JPH3: variants seen among roughly 807,000 people sequenced by gnomAD.
The protein encoded by JPH3 is junctophilin 3.
JPH3 carries 11 observed loss-of-function variants against 59.6 expected under a neutral mutation model. That is an observed-to-expected ratio of 0.18 (90% CI 0.12 to 0.31). The LOEUF is 0.31. JPH3 is among the 10% of genes least tolerant of loss of function. The pLI is 1.00. For synonymous variants in JPH3, 673 were observed against 483.6 expected (o/e 1.39, Z -5.14); for missense variants, 1,202 against 1,105.7 (o/e 1.09, Z -1.24).
intron 2 of JPH3, among the ~76,000 whole-genome samples, chr16:87,659,404 CTA>C (rs2032629173): frequency 1.0e-5 from 1 of 97,270 alleles, no homozygotes; most frequent in Non-Finnish European, 2.1e-5. Context: ...AAAAAGAAAA[CTA>C]CACACACATA....
At chr16:87,659,140 A>G (rs1419430179) in intron 2 of JPH3, among the ~76,000 whole-genome samples, 1 of 152,098 alleles carries the variant, frequency 6.6e-6, no homozygotes, top group Non-Finnish European at 1.5e-5. Context: ...TTGGGAGGCC[A>G]AAGCAGGCGG....
At chr16:87,695,446 GTGGAGGGCTCCGGGGGCTC>G in intron 4 of JPH3, 1 of 456,140 alleles carries the variant, frequency 2.2e-6, no homozygotes, top group Non-Finnish European at 4.4e-6. Context: ...GTGGTAGGAA[GTGGAGGGCTCCGGGGGCTC>G]TGAACAGCTC....
At position 87,696,601 on chromosome 16, in the gene JPH3, G is replaced by T; in HGVS notation, c.2188G>T (p.Val730Phe). The T allele has an allele frequency of 6.2e-7, 1 of 1,613,570 alleles. No homozygotes were observed. The highest frequency in any genetic ancestry group is 8.5e-7 in the Non-Finnish European group (1 of 1,179,922). ...CCAGGGCTCAGCGCCTATCCTGGTG[G>T]TCATGGTGATCTTGCTCAACATCGG... ...SSTGSAPILVVMVILLNIGVA... is the reference protein window; with the variant it reads ...SSTGSAPILVFMVILLNIGVA... The change falls in exon 5 of 5, where the codon GTC (valine) becomes TTC (phenylalanine). Residue 730 changes from valine to phenylalanine, a missense_variant. Val to Phe is a conservative substitution (Grantham distance 50). Transcript: ENST00000284262.
Position 87,644,956 on chromosome 16 carries a change from G to A in JPH3, c.1081G>A (p.Glu361Lys). The stretch of plus-strand genomic sequence containing the variant: ...CCCCCTGCGGGCCAGCAAGATCCGC[G>A]AGAAGGTGGACCGCGCCGTTGAGGC... ...LIPLRASKIR[E>K]KVDRAVEAAE... Residue 361 changes from glutamate (E) to lysine (K), a missense_variant, in exon 2 of 5, where the codon GAG (glutamate) becomes AAG (lysine). Physicochemically the swap from Glu to Lys is moderately conservative, Grantham distance 56. Transcript: ENST00000284262. 1.2e-6 allele frequency: 2 copies of A among 1,611,594 alleles called. No individual in the cohort carries two copies. The highest frequency in any genetic ancestry group is 1.7e-6 in the Non-Finnish European group (2 of 1,179,886).
At position 87,635,190 on chromosome 16, in the gene JPH3, C is replaced by T. The variant is rs368455727; in HGVS notation, c.383-9068C>T. On this transcript the variant is annotated intron_variant, in intron 1 of 4. Transcript: ENST00000284262. ...GGGCTCCTTGCTCCTCCCAGCAAAG[C>T]GTTCACCTTGCCCCACCCTGGGACC... Among the ~76,000 whole-genome samples the T allele has an allele frequency of 1.4e-4, 22 of 152,260 alleles. No homozygotes were observed. In the South Asian group the frequency reaches 3.7e-3, roughly 26 times the overall value.
intron 1 of JPH3, among the ~76,000 whole-genome samples, chr16:87,638,428 G>C (rs1208132300): frequency 1.3e-5 from 2 of 152,198 alleles, no homozygotes; most frequent in Non-Finnish European, 1.5e-5. Context: ...CGGAACGCCA[G>C]AGGCTACTGG....
intron 1 of JPH3, among the ~76,000 whole-genome samples, chr16:87,626,175 G>A (rs570710767): frequency 7.9e-5 from 12 of 152,282 alleles, no homozygotes; most frequent in African/African-American, 2.9e-4. Context: ...CACTCCCATT[G>A]CTTTGTGCTT....
At chr16:87,603,671 C>T (rs891511258) in intron 1 of JPH3, 143 bp downstream of exon 1, 4 of 1,080,798 alleles carry the variant, frequency 3.7e-6, no homozygotes, top group Non-Finnish European at 5.2e-6. Flanking sequence ...TCCCTGGAAG[C>T]CACGGCGGCT....
At chr16:87,652,035 C>T (rs1015700895) in intron 2 of JPH3, among the ~76,000 whole-genome samples, 2 of 151,636 alleles carry the variant, frequency 1.3e-5, no homozygotes, top group Admixed American at 6.6e-5. Flanking sequence ...AGTGCAGTGG[C>T]ACGATCTTGG....
At chr16:87,674,332 C>CAA (rs60257610) in intron 2 of JPH3, among the ~76,000 whole-genome samples, 64 of 150,282 alleles carry the variant, frequency 4.3e-4, no homozygotes, top group East Asian at 1.2e-3. Context: ...GACTCCGTCT[C>CAA]AAAAAAAAAC....
intron 2 of JPH3, among the ~76,000 whole-genome samples, chr16:87,649,265 A>G (rs2032252627): frequency 6.6e-6 from 1 of 152,170 alleles, no homozygotes; most frequent in Non-Finnish European, 1.5e-5. Flanking sequence ...AGATGGCCCC[A>G]TCCTGCCGTG....
rs535657043 is a variant in JPH3 at position 87,630,596 on chromosome 16, G to A, written c.383-13662G>A. Among the ~76,000 whole-genome samples, 196 of 152,260 alleles carry A rather than the reference G, an allele frequency of 1.3e-3. 1 individual carries two copies. Among genetic ancestry groups the A allele is most frequent in the African/African-American group, 4.6e-3 (190 of 41,524 alleles). ...CTATTGTGAGAATCTTCTCATAAAC[G>A]CATCTTTCCTTCCCCTCCTCCTTAA... On this transcript the variant is annotated intron_variant, in intron 1 of 4. Coordinates refer to ENST00000284262, the MANE Select transcript of JPH3 (RefSeq NM_020655.4).
intron 3 of JPH3, among the ~76,000 whole-genome samples, chr16:87,688,185 A>G (rs1426763369): frequency 2.0e-5 from 3 of 152,044 alleles, no homozygotes; most frequent in Non-Finnish European, 4.4e-5. Flanking sequence ...TTGAGACCTC[A>G]GAGTGGCCCA....
At chr16:87,657,480 G>A (rs1188312573) in intron 2 of JPH3, among the ~76,000 whole-genome samples, 2 of 152,166 alleles carry the variant, frequency 1.3e-5, no homozygotes, top group African/African-American at 2.4e-5. Flanking sequence ...ACCGGTGACC[G>A]ATGCACAGCG....
intron 2 of JPH3, among the ~76,000 whole-genome samples, chr16:87,681,073 T>C (rs1457272338): frequency 6.6e-6 from 1 of 152,050 alleles, no homozygotes; most frequent in African/African-American, 2.4e-5. Context: ...ATTGACGAAA[T>C]ATTACCCATC....
chr16:87,666,818 A>C (rs569165863), intron 2 of JPH3, among the ~76,000 whole-genome samples: 10 of 152,304 alleles, frequency 6.6e-5, no homozygotes, highest in African/African-American at 2.4e-4. Context: ...TGTTGCCTAC[A>C]TTCTATAGAT....
intron 1 of JPH3, among the ~76,000 whole-genome samples, chr16:87,628,103 TGG>T (rs2031443346): frequency 1.3e-5 from 2 of 152,202 alleles, no homozygotes; most frequent in African/African-American, 2.4e-5. Flanking sequence ...GGGAGGAAGC[TGG>T]GGTTAAGGGC....
intron 2 of JPH3, chr16:87,654,255 C>T (rs976094923): frequency 1.3e-5 from 2 of 152,258 alleles, no homozygotes; most frequent in African/African-American, 4.8e-5. Context: ...CCTCTCTGGA[C>T]TCATCCCCAA....
chr16:87,633,482 CA>C lies in JPH3; in HGVS notation c.383-10765del, dbSNP rs60063813. 6.2e-4 allele frequency among the ~76,000 whole-genome samples: 90 copies of C among 144,130 alleles called. No homozygotes were observed. The Middle Eastern group carries it at 0.01, about 17-fold the overall frequency. 94.6% of individuals were successfully genotyped at this position (144,130 alleles called of 152,430 possible). A position where few individuals can be genotyped will look rare whatever the true frequency, so the allele number is the denominator to read the frequency against. On this transcript the variant is annotated intron_variant, in intron 1 of 4. Coordinates refer to ENST00000284262, the MANE Select transcript of JPH3 (RefSeq NM_020655.4). ...TATTCAGAACTCCACTAAGATTAAC[CA>C]AAAAAAAAAATTTATATATATATAT...
Sources: gnomAD v4.1 joint callset for allele counts (sites outside exome capture counted in the v4.1 genomes callset) on GRCh38, gnomAD v4.1.1 for gene constraint, MANE v1.5 for transcripts, NCBI Gene and HGNC (gene_info 2026-07-23, HGNC 2026-07-21) for gene names.